Variants in FAM193A observed in about 807,000 individuals in gnomAD.
The protein encoded by FAM193A is protein FAM193A.
FAM193A carries 22 observed loss-of-function variants against 126.5 expected under a neutral mutation model. The observed-to-expected ratio is 0.17, with a 90% CI of 0.12 to 0.25. FAM193A has a LOEUF of 0.25. FAM193A is among the 10% of genes least tolerant of loss of function. FAM193A has a pLI of 1.00. For synonymous variants in FAM193A, 761 were observed against 646.8 expected, an observed-to-expected ratio of 1.18 and a Z score of -2.68; for missense variants, 1,675 against 1,672.8, an observed-to-expected ratio of 1.00 and a Z score of -0.02.
At chr4:2,684,751 G>A (rs552531988) in intron 13 of FAM193A, among the ~76,000 whole-genome samples, 5 of 152,210 alleles carry the variant, frequency 3.3e-5, no homozygotes, top group Non-Finnish European at 7.4e-5. Context: ...CCTCCACCTC[G>A]CTTCTCTCAT....
intron 7 of FAM193A, among the ~76,000 whole-genome samples, chr4:2,652,366 A>G (rs750041045): frequency 3.9e-5 from 6 of 152,174 alleles, no homozygotes; most frequent in Non-Finnish European, 8.8e-5. Flanking sequence ...CACTTGATTT[A>G]TCCCTGGTGT....
chr4:2,604,458 C>T (rs763834680), intron 2 of FAM193A, among the ~76,000 whole-genome samples: 8 of 152,046 alleles, frequency 5.3e-5, no homozygotes, highest in Non-Finnish European at 1.0e-4. Context: ...GTGTCTTTTT[C>T]CTGTCTTCCT....
intron 1 of FAM193A, among the ~76,000 whole-genome samples, chr4:2,593,400 A>G (rs985930385): frequency 1.3e-5 from 2 of 152,164 alleles, no homozygotes; most frequent in Non-Finnish European, 2.9e-5. Flanking sequence ...GCTCCCCACA[A>G]GGTACAGCCA....
rs576841039 is a variant in FAM193A, at chr4:2,582,530, A to T, written c.256-13554A>T. Among the ~76,000 whole-genome samples the T allele has an allele frequency of 3.3e-5, 5 of 151,912 alleles. No individual in the cohort carries two copies. In the South Asian group the frequency reaches 1.0e-3, roughly 32 times the overall value. On this transcript the variant is annotated intron_variant, in intron 1 of 20. Coordinates refer to ENST00000637812, the MANE Select transcript of FAM193A (RefSeq NM_001366318.2). ...GTTGCGCATGACTTTTGTCCTAATT[A>T]GTTGTGTATCCAGTTGTCTTTTGTT...
rs80247234 is a variant in FAM193A at position 2,716,113 on chromosome 4, G to A, written c.4454+9G>A. On this transcript the variant is annotated intron_variant, in intron 20 of 20. Transcript: ENST00000637812. ...GTGGAATATTTCAAAAGGTAAATGT[G>A]GAGGCTGTGTCTGAAACCGTGGTGA... The A allele has an allele frequency of 0.032, 50,080 of 1,561,882 alleles. 1,023 individuals are homozygous for A. Among genetic ancestry groups the A allele is most frequent in the Non-Finnish European group, 0.038 (43,494 of 1,132,130 alleles).
At chr4:2,647,721 G>C (rs2109057009) in intron 7 of FAM193A, among the ~76,000 whole-genome samples, 3 of 152,272 alleles carry the variant, frequency 2.0e-5, no homozygotes, top group Middle Eastern at 3.4e-3. Flanking sequence ...TCCTAAAGCA[G>C]GGTTGGGCCA....
At chr4:2,609,876 C>G (rs1445246034) in intron 2 of FAM193A, among the ~76,000 whole-genome samples, 2 of 151,172 alleles carry the variant, frequency 1.3e-5, no homozygotes, top group Non-Finnish European at 2.9e-5. Flanking sequence ...TTTCAGTGAG[C>G]TGAGATGGCG....
chr4:2,642,215 A>G lies in FAM193A; in HGVS notation c.1163+2356A>G, dbSNP rs1744705577. 3.3e-5 allele frequency among the ~76,000 whole-genome samples: 5 copies of G among 151,386 alleles called. No homozygotes were observed. The South Asian group carries it at 1.0e-3, about 32-fold the overall frequency. On this transcript the variant is annotated intron_variant, in intron 6 of 20. Transcript: ENST00000637812. ...GCTACCCGGGAGGCTGAGGCAGGAG[A>G]ATGGCGTGAACCTGGGAGCGGAGGT...
At chr4:2,731,224 AC>A (rs1721353159) in intron 20 of FAM193A, among the ~76,000 whole-genome samples, 2 of 135,678 alleles carry the variant, frequency 1.5e-5, no homozygotes, top group African/African-American at 5.7e-5. Context: ...AAAAAAAAAA[AC>A]CGGTGTGGTG....
intron 2 of FAM193A, among the ~76,000 whole-genome samples, chr4:2,607,588 G>C (rs947118909): frequency 6.6e-6 from 1 of 152,176 alleles, no homozygotes; most frequent in Non-Finnish European, 1.5e-5. Context: ...AACCAGATTT[G>C]TTTTTAGTAT....
chr4:2,608,042 T>C lies in FAM193A; in HGVS notation c.501+11713T>C, dbSNP rs114711177. 8,838 of 1,608,122 alleles carry C rather than the reference T, an allele frequency of 5.5e-3. 430 individuals are homozygous for C. The African/African-American group carries it at 0.1, about 19-fold the overall frequency. ...GCACCACGCACTTCACGTCCGGGTG[T>C]GCAGCATAAATTGCAGAGTGTAAGG... On this transcript the variant is annotated intron_variant, in intron 2 of 20. Coordinates refer to ENST00000637812, the MANE Select transcript of FAM193A (RefSeq NM_001366318.2).
chr4:2,637,483 C>T (rs1420224096), intron 5 of FAM193A, among the ~76,000 whole-genome samples: 1 of 152,332 alleles, frequency 6.6e-6, no homozygotes, highest in East Asian at 1.9e-4. Flanking sequence ...ACAGAAAGAT[C>T]TCAAATGTCC....
chr4:2,631,621 A>G (rs1056931685), intron 5 of FAM193A, among the ~76,000 whole-genome samples: 6 of 152,228 alleles, frequency 3.9e-5, no homozygotes, highest in East Asian at 1.9e-4. Flanking sequence ...AGTGGCGTTC[A>G]TTCATTCATG....
At position 2,727,836 on chromosome 4, in the gene FAM193A, C is replaced by T. The variant is rs556294287; in HGVS notation, c.4455-3939C>T. ...CAGACTTTAAACCCCAAAAGACTTTCTAAAAATGAAGTCTCAGTTCAGGCC... is the reference window on the plus strand; with the variant it reads ...CAGACTTTAAACCCCAAAAGACTTTTTAAAAATGAAGTCTCAGTTCAGGCC... On this transcript the variant is annotated intron_variant, in intron 20 of 20. Transcript: ENST00000637812. 1.5e-3 allele frequency among the ~76,000 whole-genome samples: 232 copies of T among 152,008 alleles called. 1 individual carries two copies. Among genetic ancestry groups the T allele is most frequent in the African/African-American group, 5.5e-3 (227 of 41,458 alleles).
chr4:2,560,246 G>A (rs1738529117), intron 1 of FAM193A, among the ~76,000 whole-genome samples: 1 of 152,080 alleles, frequency 6.6e-6, no homozygotes, highest in African/African-American at 2.4e-5. Flanking sequence ...CCTGGCCTGT[G>A]CAGGCTTTTC....
At chr4:2,602,692 G>A (rs993054407) in intron 2 of FAM193A, among the ~76,000 whole-genome samples, 3 of 151,176 alleles carry the variant, frequency 2.0e-5, no homozygotes, top group African/African-American at 2.4e-5. Flanking sequence ...ACGGAATCTC[G>A]CTCTGTTGCC....
chr4:2,647,612 C>T (rs957165780), intron 7 of FAM193A, among the ~76,000 whole-genome samples: 2 of 152,120 alleles, frequency 1.3e-5, no homozygotes, highest in Non-Finnish European at 2.9e-5. Flanking sequence ...GGAGGTGGAT[C>T]TGAAGGGAGG....
chr4:2,626,314 G>A (rs994325865), intron 3 of FAM193A, 96 bp from the exon 4 acceptor site: 2 of 642,354 alleles, frequency 3.1e-6, no homozygotes, highest in Non-Finnish European at 5.8e-6. Context: ...GCTGGGCAAG[G>A]TGCAAGAGCC....
At chr4:2,709,486 G>A (rs986874150) in intron 19 of FAM193A, among the ~76,000 whole-genome samples, 7 of 152,010 alleles carry the variant, frequency 4.6e-5, no homozygotes, top group East Asian at 3.9e-4. Flanking sequence ...GGAGGGGTGC[G>A]GATCACGAGG....
Sources: allele counts gnomAD v4.1 joint callset (sites outside exome capture counted in the v4.1 genomes callset), GRCh38; gene constraint gnomAD v4.1.1; transcripts MANE v1.5; gene names NCBI Gene and HGNC (gene_info 2026-07-23, HGNC 2026-07-21).